Variants in EPSTI1 observed in about 807,000 individuals in gnomAD.
EPSTI1 encodes epithelial stromal interaction 1.
EPSTI1 carries 66 observed loss-of-function variants against 49.9 expected under a neutral mutation model. The ratio of observed to expected loss-of-function variants is 1.32; its 90% CI spans 1.08 to 1.62. The LOEUF is 1.62. Among genes scored for constraint, EPSTI1 ranks in the 40% most tolerant of loss-of-function variants. The pLI is 0.00. For missense variants in EPSTI1, 394 were observed against 365.5 expected (o/e 1.08, Z -0.64); for synonymous variants, 137 against 130.7 (o/e 1.05, Z -0.33).
chr13:42,947,329 C>T (rs1000229557), intron 6 of EPSTI1, among the ~76,000 whole-genome samples: 1 of 151,996 alleles, frequency 6.6e-6, no homozygotes, highest in African/African-American at 2.4e-5. Context: ...GTATTGCCAA[C>T]CATGTATACA....
At chr13:42,919,156 T>A in intron 7 of EPSTI1, 1 of 639,610 alleles carries the variant, frequency 1.6e-6, no homozygotes, top group African/African-American at 1.8e-5. Flanking sequence ...AATACATGTC[T>A]TAGTTTTTGA....
At chr13:42,927,493 T>A (rs1475075229) in intron 6 of EPSTI1, among the ~76,000 whole-genome samples, 4 of 152,122 alleles carry the variant, frequency 2.6e-5, no homozygotes, top group African/African-American at 9.7e-5. Flanking sequence ...TTAAGCCCAA[T>A]GCTAAGATCT....
chr13:42,901,635 A>G (rs2037355310), intron 8 of EPSTI1, among the ~76,000 whole-genome samples: 1 of 152,224 alleles, frequency 6.6e-6, no homozygotes, highest in African/African-American at 2.4e-5. Flanking sequence ...CTTTATTAGT[A>G]CTACCAAGTA....
chr13:42,941,586 C>G (rs1341063697), intron 6 of EPSTI1, among the ~76,000 whole-genome samples: 2 of 149,306 alleles, frequency 1.3e-5, no homozygotes, highest in East Asian at 3.9e-4. Context: ...TGCCACTGTA[C>G]TCTAGCCTGG....
intron 8 of EPSTI1, among the ~76,000 whole-genome samples, chr13:42,901,867 T>C (rs2037364193): frequency 6.6e-6 from 1 of 152,258 alleles, no homozygotes; most frequent in African/African-American, 2.4e-5. Flanking sequence ...CTGCACCCAC[T>C]AACTCGTCAT....
chr13:42,933,312 T>TAAAAAAAAAAAAAA (rs1178617129), intron 6 of EPSTI1, among the ~76,000 whole-genome samples: 1 of 77,346 alleles, frequency 1.3e-5, no homozygotes, highest in Non-Finnish European at 3.3e-5. Context: ...ACATAAAAAG[T>TAAAAAAAAAAAAAA]AAAAAAAAAA....
chr13:42,961,802 TG>T lies in EPSTI1; in HGVS notation c.489+1452del, dbSNP rs1287424636. Among the ~76,000 whole-genome samples the T allele has an allele frequency of 2.0e-5, 3 of 152,226 alleles. 1 individual carries two copies. The highest frequency in any genetic ancestry group is 6.8e-3 in the Middle Eastern group (2 of 292). On this transcript the variant is annotated intron_variant, in intron 5 of 10. Coordinates refer to ENST00000313624, the MANE Select transcript of EPSTI1 (RefSeq NM_033255.5). The stretch of plus-strand genomic sequence containing the variant: ...GACCAGAGACAAGGCTAGAGGCTCT[TG>T]GGTGGCAATAGGCTGCTTGGATTCT...
chr13:42,978,685 T>C (rs372893242), intron 1 of EPSTI1, among the ~76,000 whole-genome samples: 12 of 152,218 alleles, frequency 7.9e-5, no homozygotes, highest in African/African-American at 2.9e-4. Flanking sequence ...ACCTTCAGAC[T>C]TATTTTATGG....
In EPSTI1 at chr13:42,979,749, G is replaced by C. The variant is rs542634702; in HGVS notation, c.189-9079C>G. On this transcript the variant is annotated intron_variant, in intron 1 of 10. Transcript: ENST00000313624. ...TAACCATATGAAAATAAGCTGCAGG[G>C]TCATAACACATCATCCCTAAATATT... 1.6e-4 allele frequency among the ~76,000 whole-genome samples: 25 copies of C among 151,772 alleles called. No individual in the cohort carries two copies. In the South Asian group the frequency reaches 5.2e-3, roughly 32 times the overall value.
chr13:42,929,989 C>G (rs2038309795), intron 6 of EPSTI1, among the ~76,000 whole-genome samples: 1 of 152,172 alleles, frequency 6.6e-6, no homozygotes, highest in Non-Finnish European at 1.5e-5. Flanking sequence ...GGACTCAGGC[C>G]TCTGACTCTA....
At position 42,888,284 on chromosome 13, in the gene EPSTI1, A is replaced by G; in HGVS notation, c.*210T>C. 1 of 1,612,566 alleles carries G rather than the reference A, an allele frequency of 6.2e-7. No homozygotes were observed. Among genetic ancestry groups the G allele is most frequent in the Non-Finnish European group, 8.5e-7 (1 of 1,179,938 alleles). ...TAATGTAGCATTTCCCTGGCAGTAGAGATTAAATATGAGTTCAGGAATCAG... is the reference window on the plus strand; with the variant it reads ...TAATGTAGCATTTCCCTGGCAGTAGGGATTAAATATGAGTTCAGGAATCAG... On this transcript the variant is annotated 3_prime_UTR_variant, in exon 11 of 11. Coordinates refer to ENST00000313624, the MANE Select transcript of EPSTI1 (RefSeq NM_033255.5).
intron 1 of EPSTI1, among the ~76,000 whole-genome samples, chr13:42,989,350 G>T (rs2153437284): frequency 6.6e-6 from 1 of 152,138 alleles, no homozygotes; most frequent in East Asian, 1.9e-4. Flanking sequence ...AAGTAGCTAA[G>T]GATTTTGTTC....
At chr13:42,918,718 T>A (rs1458183239) in intron 7 of EPSTI1, among the ~76,000 whole-genome samples, 3 of 152,244 alleles carry the variant, frequency 2.0e-5, no homozygotes, top group Non-Finnish European at 2.9e-5. Context: ...CAGAAATCCC[T>A]GGTTTATCCA....
intron 6 of EPSTI1, among the ~76,000 whole-genome samples, chr13:42,941,192 T>C (rs1246387053): frequency 6.6e-6 from 1 of 152,206 alleles, no homozygotes; most frequent in Non-Finnish European, 1.5e-5. Context: ...TCAATACAAA[T>C]TGTCAAATTG....
intron 1 of EPSTI1, among the ~76,000 whole-genome samples, chr13:42,974,367 T>C (rs912450957): frequency 1.4e-5 from 2 of 139,802 alleles, no homozygotes; most frequent in Non-Finnish European, 3.1e-5. Context: ...AGAAAAGAAA[T>C]GTTTTCCTGG....
At chr13:42,899,222 G>T (rs543838631) in intron 9 of EPSTI1, among the ~76,000 whole-genome samples, 1 of 151,168 alleles carries the variant, frequency 6.6e-6, no homozygotes, top group African/African-American at 2.4e-5. Context: ...AAAAAAGAGA[G>T]AAAATAATAA....
chr13:42,984,802 A>G (rs2040049320), intron 1 of EPSTI1, among the ~76,000 whole-genome samples: 1 of 152,230 alleles, frequency 6.6e-6, no homozygotes, highest in Non-Finnish European at 1.5e-5. Flanking sequence ...CAAGCATAAC[A>G]AACTGGTGGG....
intron 6 of EPSTI1, among the ~76,000 whole-genome samples, chr13:42,940,914 A>G (rs931727292): frequency 6.6e-6 from 1 of 152,064 alleles, no homozygotes; most frequent in African/African-American, 2.4e-5. Context: ...TAATTTGCCA[A>G]TTTTTGAGTT....
chr13:42,909,175 A>G (rs2037592322), intron 8 of EPSTI1, among the ~76,000 whole-genome samples: 1 of 152,222 alleles, frequency 6.6e-6, no homozygotes, highest in African/African-American at 2.4e-5. Flanking sequence ...GCCAACAGGT[A>G]TATGAAAAAA....
Sources: gnomAD v4.1 joint callset for allele counts (sites outside exome capture counted in the v4.1 genomes callset) on GRCh38, gnomAD v4.1.1 for gene constraint, MANE v1.5 for transcripts, NCBI Gene and HGNC (gene_info 2026-07-23, HGNC 2026-07-21) for gene names.